Variants in DDAH1 observed in about 807,000 individuals in gnomAD.
DDAH1 encodes the protein N(G),N(G)-dimethylarginine dimethylaminohydrolase 1.
A neutral mutation model predicts 28.8 loss-of-function variants in DDAH1; 19 were observed. The observed-to-expected ratio is 0.66, with a 90% CI of 0.46 to 0.97. The LOEUF (loss-of-function observed/expected upper bound fraction) is 0.97. DDAH1 is among the 50% of genes least tolerant of loss of function. The pLI is 0.00. For synonymous variants in DDAH1, 153 were observed against 154.4 expected (o/e 0.99, Z 0.07); for missense variants, 326 against 375.9 (o/e 0.87, Z 1.10).
chr1:85,509,263 G>A (rs1657139710), intron 1 of DDAH1, among the ~76,000 whole-genome samples: 1 of 152,210 alleles, frequency 6.6e-6, no homozygotes, highest in Non-Finnish European at 1.5e-5. Flanking sequence ...CTGACTCTTA[G>A]AAGGGAAACT....
intron 2 of DDAH1, among the ~76,000 whole-genome samples, chr1:85,490,625 C>T (rs534118002): frequency 5.9e-5 from 9 of 152,350 alleles, no homozygotes; most frequent in African/African-American, 2.2e-4. Context: ...TGCTTTCCAA[C>T]AGGACAAGAC....
At chr1:85,495,172 T>TC (rs904759445) in intron 2 of DDAH1, 29 of 152,120 alleles carry the variant, frequency 1.9e-4, no homozygotes, top group African/African-American at 6.3e-4. Context: ...TTTTTTTTTT[T>TC]TTTTACTGTC....
intron 1 of DDAH1, among the ~76,000 whole-genome samples, chr1:85,412,955 GGTGCCACT>G (rs1652727870): frequency 1.3e-5 from 2 of 152,084 alleles, no homozygotes; most frequent in Admixed American, 1.3e-4. Context: ...GAGCTGTGAT[GGTGCCACT>G]GTACTCCAGC....
chr1:85,438,372 T>C (rs1039648246), intron 1 of DDAH1, among the ~76,000 whole-genome samples: 3 of 152,202 alleles, frequency 2.0e-5, no homozygotes, highest in African/African-American at 7.2e-5. Context: ...AATGGCTCTT[T>C]ATGAGATTAA....
chr1:85,416,915 G>A (rs79214756), intron 1 of DDAH1, among the ~76,000 whole-genome samples: 6,421 of 152,062 alleles, frequency 0.042, 474 homozygotes, highest in African/African-American at 0.15. Flanking sequence ...CAATCTGTCT[G>A]CATTGGCCTC....
chr1:85,335,604 G>T (rs1285683824), intron 4 of DDAH1, among the ~76,000 whole-genome samples: 3 of 152,124 alleles, frequency 2.0e-5, no homozygotes, highest in Non-Finnish European at 4.4e-5. Context: ...GATCAATTAA[G>T]CAAGAGAATA....
chr1:85,351,698 G>A (rs898840867), intron 2 of DDAH1, 119 bp from the exon 3 acceptor site: 2 of 731,286 alleles, frequency 2.7e-6, no homozygotes, highest in Non-Finnish European at 4.7e-6. Context: ...ACAGAGAACA[G>A]CTTCACTAAA....
chr1:85,570,350 C>T (rs1659414752), intron 1 of DDAH1, among the ~76,000 whole-genome samples: 2 of 121,014 alleles, frequency 1.7e-5, no homozygotes, highest in African/African-American at 3.2e-5. Context: ...CTCCCTTCTC[C>T]AGCACACACA....
chr1:85,563,762 G>A (rs1659206585), intron 1 of DDAH1, among the ~76,000 whole-genome samples: 1 of 152,190 alleles, frequency 6.6e-6, no homozygotes, highest in Non-Finnish European at 1.5e-5. Flanking sequence ...AAGAGATTAA[G>A]AGTTATTATT....
chr1:85,358,713 A>C, intron 2 of DDAH1, 35 bp downstream of exon 2: 1 of 1,392,032 alleles, frequency 7.2e-7, no homozygotes, highest in Non-Finnish European at 9.9e-7. Context: ...AGTATTAAAA[A>C]TATTCTTGGA....
intron 4 of DDAH1, among the ~76,000 whole-genome samples, chr1:85,328,893 A>T (rs1213880382): frequency 1.3e-5 from 2 of 152,212 alleles, no homozygotes; most frequent in Non-Finnish European, 1.5e-5. Flanking sequence ...CACCACTCAT[A>T]ATCACCAGAT....
At chr1:85,476,297 C>A (rs1655801853) in intron 2 of DDAH1, among the ~76,000 whole-genome samples, 1 of 152,182 alleles carries the variant, frequency 6.6e-6, no homozygotes, top group Admixed American at 6.5e-5. Flanking sequence ...GCACAAAAAA[C>A]TACTCTGAAA....
At chr1:85,486,655 A>G (rs940072318) in intron 2 of DDAH1, among the ~76,000 whole-genome samples, 2 of 152,244 alleles carry the variant, frequency 1.3e-5, no homozygotes, top group Admixed American at 6.5e-5. Context: ...CGAGTCTGAT[A>G]GAAAGGACAA....
At chr1:85,448,740 G>A (rs188547612) in intron 1 of DDAH1, among the ~76,000 whole-genome samples, 524 of 152,196 alleles carry the variant, frequency 3.4e-3, no homozygotes, top group African/African-American at 0.012. Context: ...AAAACCCCAC[G>A]AAACACAGGA....
chr1:85,400,177 C>CTTTT (rs61677601), intron 1 of DDAH1, among the ~76,000 whole-genome samples: 10 of 54,952 alleles, frequency 1.8e-4, no homozygotes, highest in African/African-American at 5.3e-4. Flanking sequence ...CTTTTCTTTT[C>CTTTT]TTTTTTTTTT....
chr1:85,445,746 A>G (rs764323172), intron 1 of DDAH1, among the ~76,000 whole-genome samples: 10 of 152,156 alleles, frequency 6.6e-5, no homozygotes, highest in Non-Finnish European at 1.3e-4. Context: ...AGCTGGGACC[A>G]TAAGTGTGTA....
intron 1 of DDAH1, among the ~76,000 whole-genome samples, chr1:85,405,076 T>C (rs1652343243): frequency 6.6e-6 from 1 of 152,218 alleles, no homozygotes; most frequent in Non-Finnish European, 1.5e-5. Context: ...TGTTGAGTTG[T>C]ATGAGGCCTT....
chr1:85,433,071 T>C (rs866121368), intron 1 of DDAH1, among the ~76,000 whole-genome samples: 4 of 152,210 alleles, frequency 2.6e-5, no homozygotes, highest in African/African-American at 9.6e-5. Flanking sequence ...GGCCAGACTA[T>C]ACATATATAT....
chr1:85,404,421 T>G (rs1488315481), intron 1 of DDAH1: 5 of 1,534,130 alleles, frequency 3.3e-6, no homozygotes, highest in Non-Finnish European at 1.7e-6. Context: ...GAACTGCTTT[T>G]GGGAAGCAGT....
Sources: gnomAD v4.1 joint callset for allele counts (sites outside exome capture counted in the v4.1 genomes callset) on GRCh38, gnomAD v4.1.1 for gene constraint, MANE v1.5 for transcripts, NCBI Gene and HGNC (gene_info 2026-07-23, HGNC 2026-07-21) for gene names.